Variants in SDK1 observed in about 807,000 individuals in gnomAD.
The protein encoded by SDK1 is sidekick cell adhesion molecule 1, also known as protein sidekick-1.
Under a neutral mutation model 245.5 loss-of-function variants are expected in SDK1, and 157 were observed. The observed-to-expected ratio is 0.64, with a 90% CI of 0.56 to 0.73. SDK1 has a LOEUF of 0.73. SDK1 is among the 30% of genes least tolerant of loss of function. SDK1 has a pLI of 0.00. For missense variants in SDK1, 3,583 were observed against 3,002.3 expected (o/e 1.19, Z -4.52); for synonymous variants, 1,647 against 1,278.5 (o/e 1.29, Z -6.15).
At chr7:4,054,348 C>G (rs568212895) in intron 19 of SDK1, among the ~76,000 whole-genome samples, 1 of 152,146 alleles carries the variant, frequency 6.6e-6, no homozygotes, top group Non-Finnish European at 1.5e-5. Context: ...CTGACATTTG[C>G]GAAACTATAG....
At chr7:4,250,434 C>G (rs1787220162) in intron 44 of SDK1, among the ~76,000 whole-genome samples, 1 of 152,112 alleles carries the variant, frequency 6.6e-6, no homozygotes, top group African/African-American at 2.4e-5. Context: ...ACCTCCGCCT[C>G]CTGGGTTCAA....
At position 3,604,539 on chromosome 7, in the gene SDK1, T is replaced by C. The variant is rs78483933; in HGVS notation, c.299-14541T>C. Among the ~76,000 whole-genome samples, 802 of 152,072 alleles carry C rather than the reference T, an allele frequency of 5.3e-3. 10 individuals are homozygous for C. The highest frequency in any genetic ancestry group is 0.018 in the African/African-American group (751 of 41,536). ...GATATGCTGTATTTTCATTGTTTTG[T>C]ATATTTTCATTGTTTTATTTATTTT... On this transcript the variant is annotated intron_variant, in intron 1 of 44. Coordinates refer to ENST00000404826, the MANE Select transcript of SDK1 (RefSeq NM_152744.4).
Position 3,610,834 on chromosome 7 carries a change from C to T in SDK1, c.299-8246C>T, listed in dbSNP as rs77314283. ...ATTCACAGTGCTGTTTAATGGAAAT[C>T]TCAGGGACCCTCCTGCTTTCTCTGT... On this transcript the variant is annotated intron_variant, in intron 1 of 44. Transcript: ENST00000404826. Among the ~76,000 whole-genome samples, 581 of 152,350 alleles carry T rather than the reference C, an allele frequency of 3.8e-3. 5 individuals carry two copies. Among genetic ancestry groups the T allele is most frequent in the African/African-American group, 0.013 (544 of 41,576 alleles).
At chr7:3,622,168 C>G (rs1045566575) in intron 2 of SDK1, among the ~76,000 whole-genome samples, 10 of 152,046 alleles carry the variant, frequency 6.6e-5, no homozygotes, top group African/African-American at 2.4e-4. Context: ...ATAAGGCTAG[C>G]AGCATTTCAA....
At chr7:3,771,439 C>T (rs895449025) in intron 4 of SDK1, among the ~76,000 whole-genome samples, 1 of 152,072 alleles carries the variant, frequency 6.6e-6, no homozygotes, top group Admixed American at 6.6e-5. Context: ...CATAAAGAAT[C>T]GAGGCCGTTT....
In SDK1 at chr7:3,399,140, AT is replaced by A. The variant is rs141899142; in HGVS notation, c.298+97265del. 8.9e-4 allele frequency among the ~76,000 whole-genome samples: 132 copies of A among 149,012 alleles called. 1 individual carries two copies. The highest frequency in any genetic ancestry group is 2.8e-3 in the African/African-American group (114 of 40,658). Reference sequence around the variant, plus strand: ...CCCAGAGGTGCCAGAGATTCTTTTCATTTTTTTTTCATAATTTATTCTTTTC... The same window carrying A: ...CCCAGAGGTGCCAGAGATTCTTTTCATTTTTTTTCATAATTTATTCTTTTC... On this transcript the variant is annotated intron_variant, in intron 1 of 44. Transcript: ENST00000404826.
chr7:3,319,664 A>G (rs566310846), intron 1 of SDK1, among the ~76,000 whole-genome samples: 11 of 152,100 alleles, frequency 7.2e-5, no homozygotes, highest in Non-Finnish European at 1.5e-5. Context: ...CTCCTCTCCC[A>G]GGGTGTCTAG....
At chr7:3,503,235 T>A (rs1255270954) in intron 1 of SDK1, among the ~76,000 whole-genome samples, 2 of 152,216 alleles carry the variant, frequency 1.3e-5, no homozygotes, top group East Asian at 1.9e-4. Flanking sequence ...AGTAAGAAAT[T>A]ACTCATTAAG....
intron 22 of SDK1, among the ~76,000 whole-genome samples, chr7:4,083,226 C>G (rs1480505416): frequency 6.6e-6 from 1 of 152,104 alleles, no homozygotes; most frequent in Non-Finnish European, 1.5e-5. Flanking sequence ...AGGTTCCTCA[C>G]CCTCAAAGGT....
At chr7:4,197,009 TA>T (rs1468724224) in intron 35 of SDK1, among the ~76,000 whole-genome samples, 4 of 152,234 alleles carry the variant, frequency 2.6e-5, no homozygotes, top group African/African-American at 9.6e-5. Flanking sequence ...GCATGCTATT[TA>T]ACTTTTCATC....
intron 4 of SDK1, among the ~76,000 whole-genome samples, chr7:3,714,752 C>G (rs547709298): frequency 7.9e-5 from 12 of 152,288 alleles, no homozygotes; most frequent in African/African-American, 2.9e-4. Flanking sequence ...CGTTGAGTGT[C>G]AAGTATCTGG....
intron 14 of SDK1, among the ~76,000 whole-genome samples, chr7:3,997,181 T>C: frequency 6.6e-6 from 1 of 152,196 alleles, no homozygotes; most frequent in South Asian, 2.1e-4. Context: ...GAGTGTCGCT[T>C]TTCCAGCCAG....
chr7:3,770,558 T>A (rs1257550820), intron 4 of SDK1, among the ~76,000 whole-genome samples: 1 of 152,226 alleles, frequency 6.6e-6, no homozygotes, highest in Non-Finnish European at 1.5e-5. Context: ...GCATTTTACA[T>A]TCTCACCAGC....
chr7:4,206,847 AC>A (rs1459715685), intron 36 of SDK1, among the ~76,000 whole-genome samples: 1 of 152,174 alleles, frequency 6.6e-6, no homozygotes, highest in Non-Finnish European at 1.5e-5. Flanking sequence ...TGACTATTGG[AC>A]CGATTAAATG....
At chr7:3,439,600 T>C (rs1371645132) in intron 1 of SDK1, among the ~76,000 whole-genome samples, 1 of 152,250 alleles carries the variant, frequency 6.6e-6, no homozygotes, top group Non-Finnish European at 1.5e-5. Flanking sequence ...TGTCCTGGGA[T>C]GGCATAGTTA....
Position 4,114,243 on chromosome 7 carries a change from C to G in SDK1, c.3792C>G (p.Ser1264Arg). 6.2e-7 allele frequency: 1 copy of G among 1,611,416 alleles called. No individual in the cohort carries two copies. The highest frequency in any genetic ancestry group is 8.5e-7 in the Non-Finnish European group (1 of 1,179,282). ...AFNAVGAGPW[S>R]EVVRGRTRES... ...ACGCCGTCGGGGCTGGGCCGTGGAG[C>G]GAGGTGGTGCGGGGCCGGACGCGGG... Residue 1264 changes from serine to arginine, a missense_variant, in exon 25 of 45, where the codon AGC (serine) becomes AGG (arginine). By Grantham distance (110) the Ser-to-Arg change is moderately radical. Transcript: ENST00000404826.
intron 1 of SDK1, among the ~76,000 whole-genome samples, chr7:3,306,085 G>A (rs1779411153): frequency 6.6e-6 from 1 of 152,130 alleles, no homozygotes; most frequent in Non-Finnish European, 1.5e-5. Flanking sequence ...ATAAGGAGAG[G>A]GAAAAATGGG....
intron 5 of SDK1, among the ~76,000 whole-genome samples, chr7:3,836,695 C>T (rs78413209): frequency 0.036 from 5,551 of 152,302 alleles, 151 homozygotes; most frequent in Middle Eastern, 0.092. Context: ...AAACATCTGC[C>T]CCTCACATTG....
chr7:3,814,285 T>C (rs1234287593), intron 4 of SDK1, among the ~76,000 whole-genome samples: 233 of 150,402 alleles, frequency 1.5e-3, no homozygotes, highest in Middle Eastern at 6.8e-3. Flanking sequence ...GAATTGATTT[T>C]TGTATAAGGT....
Sources: gnomAD v4.1 joint callset for allele counts (sites outside exome capture counted in the v4.1 genomes callset) on GRCh38, gnomAD v4.1.1 for gene constraint, MANE v1.5 for transcripts, NCBI Gene and HGNC (gene_info 2026-07-23, HGNC 2026-07-21) for gene names.